Variants in SBNO1 observed in about 807,000 individuals in gnomAD.
SBNO1 encodes strawberry notch homolog 1.
In SBNO1, 23 loss-of-function variants were observed where a neutral mutation model predicts 173.6. The ratio of observed to expected loss-of-function variants is 0.13; its 90% confidence interval spans 0.10 to 0.19. SBNO1 has a LOEUF of 0.19. Ranked by LOEUF, SBNO1 falls within the 10% of genes least tolerant of loss-of-function variation. The pLI is 1.00. For synonymous variants in SBNO1, 632 were observed against 571.5 expected, an observed-to-expected ratio of 1.11 and a Z score of -1.51; for missense variants, 1,238 against 1,671.2, an observed-to-expected ratio of 0.74 and a Z score of 4.52.
intron 28 of SBNO1, among the ~76,000 whole-genome samples, chr12:123,308,407 A>C (rs1368554910): frequency 6.6e-6 from 1 of 152,204 alleles, no homozygotes; most frequent in Non-Finnish European, 1.5e-5. Flanking sequence ...GCAGTGGCTC[A>C]AGCCTGTAAT....
At position 123,345,548 on chromosome 12, in the gene SBNO1, G is replaced by T; in HGVS notation, c.260C>A (p.Thr87Lys). ...ATGATTTATTTGATTCAGCACAAAT[G>T]TTGTAGTAGATGGAGGCTGCTGCTA... ...NVRQQPPSTT[T>K]FVLNQINHLP... The change falls in exon 4 of 32, where the codon ACA becomes AAA. Residue 87 changes from threonine (T) to lysine (K), a missense_variant. This residue lies in a region of SBNO1 where 287 missense variants were observed against 274.1 expected (regional missense o/e 1.05). Coordinates refer to ENST00000602398, the MANE Select transcript of SBNO1 (RefSeq NM_001167856.3). The T allele has an allele frequency of 6.2e-7, 1 of 1,613,856 alleles. No individual in the cohort carries two copies. Among genetic ancestry groups the T allele is most frequent in the Non-Finnish European group, 8.5e-7 (1 of 1,179,750 alleles).
intron 16 of SBNO1, among the ~76,000 whole-genome samples, chr12:123,322,026 A>C (rs1000487120): frequency 3.9e-5 from 6 of 152,216 alleles, no homozygotes; most frequent in Non-Finnish European, 8.8e-5. Flanking sequence ...TAAAAGCAGA[A>C]CCTCTGGCAT....
At chr12:123,341,546 A>G (rs898502252) in intron 4 of SBNO1, among the ~76,000 whole-genome samples, 1 of 152,044 alleles carries the variant, frequency 6.6e-6, no homozygotes, top group Non-Finnish European at 1.5e-5. Flanking sequence ...TTATTTTTGG[A>G]GTTTCACTCT....
At position 123,323,842 on chromosome 12, in the gene SBNO1, G is replaced by GA; in HGVS notation, c.1974-12dup. The stretch of plus-strand genomic sequence containing the variant: ...GACTGCAACACACCTCTGTAGGAGA[G>GA]AAACAGTGACAATTACTGCTTCAGT... On this transcript the variant is annotated splice_polypyrimidine_tract_variant and intron_variant, in intron 15 of 31. Transcript: ENST00000602398. 6.3e-7 allele frequency: 1 copy of GA among 1,574,906 alleles called. No homozygotes were observed.
rs1194611655 is a variant in SBNO1 at position 123,304,630 on chromosome 12, C to T, written c.3720G>A (p.Lys1240=). 1.9e-6 allele frequency: 3 copies of T among 1,573,474 alleles called. No homozygotes were observed. Among genetic ancestry groups the T allele is most frequent in the African/African-American group, 2.7e-5 (2 of 74,048 alleles). Residue 1240 remains lysine (K), a synonymous_variant, in exon 29 of 32, where the codon AAG becomes AAA. Coordinates refer to ENST00000602398, the MANE Select transcript of SBNO1 (RefSeq NM_001167856.3). Reference sequence around the variant, plus strand: ...CAGCATAAATTTCTAATTTGAGCTGCTTCCCAGTATTTGGTCGATAAACTA... The same window carrying T: ...CAGCATAAATTTCTAATTTGAGCTGTTTCCCAGTATTTGGTCGATAAACTA... The part of the protein sequence containing the change: ...LFLVYRPNTG[K]QLKLEIYADL...
At chr12:123,350,245 CT>C in intron 2 of SBNO1, 64 bp downstream of exon 2, 1 of 1,588,818 alleles carries the variant, frequency 6.3e-7, no homozygotes. Context: ...CAGAGTGAGA[CT>C]ATCTTAAAAA....
At chr12:123,320,887 C>T (rs1258843178) in intron 17 of SBNO1, 21 bp from the exon 18 acceptor site, 4 of 1,494,594 alleles carry the variant, frequency 2.7e-6, no homozygotes, top group East Asian at 4.6e-5. Flanking sequence ...AGGAAAGATA[C>T]ATGTCAAATC....
Position 123,326,276 on chromosome 12 carries a change from C to T in SBNO1, c.1751G>A (p.Arg584Gln). 1 of 1,612,908 alleles carries T rather than the reference C, an allele frequency of 6.2e-7. No homozygotes were observed. The highest frequency in any genetic ancestry group is 8.5e-7 in the Non-Finnish European group (1 of 1,179,230). Residue 584 changes from arginine to glutamine, a missense_variant, in exon 14 of 32, where the codon CGA (arginine) becomes CAA (glutamine). This residue lies in a region of SBNO1 where 182 missense variants were observed against 339.9 expected (regional missense o/e 0.54). Transcript: ENST00000602398. ...QAADLIDAEQ[R>Q]MKKSMWGQFW... The stretch of plus-strand genomic sequence containing the variant: ...CTGACCCCACATGGACTTCTTCATT[C>T]GTTGCTCAGCATCAATCAGATCTGC...
chr12:123,340,835 A>G (rs1872476890), intron 5 of SBNO1, among the ~76,000 whole-genome samples, 153 bp downstream of exon 5: 1 of 152,134 alleles, frequency 6.6e-6, no homozygotes, highest in Non-Finnish European at 1.5e-5. Context: ...ATATTACTCC[A>G]GCGAGGTTTA....
rs868309006 is a variant in SBNO1 at position 123,303,722 on chromosome 12, C to T, written c.3769-822G>A. ...CACTTTCCTTAAACCAGGCTGGGTG[C>T]GGTGGCTGACACCTGTTAATTCTAG... is the stretch of plus-strand genomic sequence containing the variant. On this transcript the variant is annotated intron_variant, in intron 29 of 31. Transcript: ENST00000602398. Among the ~76,000 whole-genome samples the T allele has an allele frequency of 4.0e-5, 6 of 151,816 alleles. No individual in the cohort carries two copies. In the South Asian group the frequency reaches 8.3e-4, roughly 21 times the overall value.
chr12:123,355,716 G>A (rs370021568), intron 1 of SBNO1, among the ~76,000 whole-genome samples: 1 of 152,168 alleles, frequency 6.6e-6, no homozygotes, highest in African/African-American at 2.4e-5. Context: ...CTAGCAGGTC[G>A]AAGCTGCAGT....
intron 5 of SBNO1, among the ~76,000 whole-genome samples, chr12:123,338,616 G>A (rs1432157271): frequency 2.6e-5 from 4 of 152,134 alleles, no homozygotes; most frequent in Non-Finnish European, 5.9e-5. Context: ...GCCCGGGAAG[G>A]GGAGGTTGCA....
chr12:123,309,520 T>C lies in SBNO1; in HGVS notation c.3506A>G (p.Tyr1169Cys). The C allele has an allele frequency of 6.2e-7, 1 of 1,614,048 alleles. No individual in the cohort carries two copies. Among genetic ancestry groups the C allele is most frequent in the Non-Finnish European group, 8.5e-7 (1 of 1,179,872 alleles). Residue 1169 changes from tyrosine to cysteine, a missense_variant, in exon 27 of 32, where the codon TAT becomes TGT. Tyr to Cys is a radical substitution (Grantham distance 194). Coordinates refer to ENST00000602398, the MANE Select transcript of SBNO1 (RefSeq NM_001167856.3). ...SDVKKFLTPG[Y>C]STSGHVELYT... ...TAATTCTACGTGGCCAGAGGTTGAA[T>C]ATCCTGGAGTCAGAAACTTTTTAAC...
intron 28 of SBNO1, among the ~76,000 whole-genome samples, chr12:123,306,942 G>A (rs1009582611): frequency 4.0e-5 from 6 of 151,116 alleles, no homozygotes; most frequent in African/African-American, 1.2e-4. Context: ...CAGCACTTTG[G>A]GAGGCCGAGG....
intron 21 of SBNO1, among the ~76,000 whole-genome samples, chr12:123,316,374 A>G (rs1023043434): frequency 4.0e-5 from 6 of 151,792 alleles, no homozygotes; most frequent in Admixed American, 1.3e-4. Context: ...ACAGGCATGC[A>G]CCACCACGCC....
intron 1 of SBNO1, among the ~76,000 whole-genome samples, chr12:123,362,055 T>C (rs1449508946): frequency 2.7e-5 from 4 of 148,882 alleles, no homozygotes; most frequent in Admixed American, 6.7e-5. Flanking sequence ...AGAATAACCG[T>C]TTTAACCCAG....
intron 6 of SBNO1, 31 bp downstream of exon 6, chr12:123,336,364 T>G: frequency 1.6e-6 from 2 of 1,281,762 alleles, no homozygotes; most frequent in Non-Finnish European, 1.1e-6. Context: ...AAAACTTTGA[T>G]GTAAATATCT....
In SBNO1 at chr12:123,289,122, A is replaced by T. The variant is rs746493662; in HGVS notation, c.*6786T>A. 2 of 152,088 alleles carry T rather than the reference A, an allele frequency of 1.3e-5. No individual in the cohort carries two copies. The highest frequency in any genetic ancestry group is 2.9e-5 in the Non-Finnish European group (2 of 67,956). The allele number at this position is 152,088 out of a possible 1,614,324, so 9.4% of individuals were successfully genotyped here. The stretch of plus-strand genomic sequence containing the variant: ...AAGCACAACCCGTGACTCGTATTTA[A>T]TTTATTTAGAATCTTACAAAAACAA... On this transcript the variant is annotated 3_prime_UTR_variant, in exon 32 of 32. Coordinates refer to ENST00000602398, the MANE Select transcript of SBNO1 (RefSeq NM_001167856.3).
In SBNO1 at chr12:123,304,610, T is replaced by C. The variant is rs2048871692; in HGVS notation, c.3740A>G (p.Tyr1247Cys). The change falls in exon 29 of 32, where the codon TAT (tyrosine) becomes TGT (cysteine). Residue 1247 changes from tyrosine (Y) to cysteine (C), a missense_variant. Tyr to Cys is a radical substitution (Grantham distance 194). Coordinates refer to ENST00000602398, the MANE Select transcript of SBNO1 (RefSeq NM_001167856.3). Reference protein sequence around the residue: ...NTGKQLKLEIYADLKKKYKKV... With the variant: ...NTGKQLKLEICADLKKKYKKV... ...CTTATATTTCTTTTTTAGATCAGCA[T>C]AAATTTCTAATTTGAGCTGCTTCCC... The C allele has an allele frequency of 6.4e-7, 1 of 1,561,578 alleles. No individual in the cohort carries two copies. The highest frequency in any genetic ancestry group is 8.8e-7 in the Non-Finnish European group (1 of 1,133,498).
Sources: allele counts gnomAD v4.1 joint callset (sites outside exome capture counted in the v4.1 genomes callset), GRCh38; gene constraint gnomAD v4.1.1; regional missense constraint gnomAD v4.1.1; transcripts MANE v1.5; gene names NCBI Gene and HGNC (gene_info 2026-07-23, HGNC 2026-07-21).